Variants in FBXO4 observed in about 807,000 individuals in gnomAD.
The protein encoded by FBXO4 is F-box protein 4, also known as F-box only protein 4.
Under a neutral mutation model 43.7 loss-of-function variants are expected in FBXO4, and 36 were observed. The observed-to-expected ratio is 0.82, with a 90% CI of 0.63 to 1.09. The LOEUF is 1.09. Among genes scored for constraint, FBXO4 ranks in the 50% least tolerant of loss-of-function variants. The probability of loss-of-function intolerance (pLI) is 0.00; values close to 1 mark genes in which losing one functional copy is unlikely to be tolerated. For synonymous variants in FBXO4, 180 were observed against 165.6 expected, an observed-to-expected ratio of 1.09 and a Z score of -0.67; for missense variants, 435 against 474.1, an observed-to-expected ratio of 0.92 and a Z score of 0.77.
chr5:41,998,027 G>T, the FBXO4 span, among the ~76,000 whole-genome samples: 1 of 152,094 alleles, frequency 6.6e-6, no homozygotes, highest in Non-Finnish European at 1.5e-5. Context: ...ACTTAGGTAG[G>T]GATGCAGCAG....
Position 41,934,230 on chromosome 5 carries a change from A to C in FBXO4, c.820A>C (p.Ser274Arg), listed in dbSNP as rs771388488. ...EGDDQQGSRY[S>R]VIPQIQKVCE... ...TGATGATCAACAAGGAAGCCGGTAC[A>C]GTGTGATTCCACAGATTCAAAAAGT... Residue 274 changes from serine (S) to arginine (R), a missense_variant, in exon 5 of 7, where the codon AGT becomes CGT. Coordinates refer to ENST00000281623, the MANE Select transcript of FBXO4 (RefSeq NM_012176.3). 1.2e-6 allele frequency: 2 copies of C among 1,614,198 alleles called. No individual in the cohort carries two copies. Among genetic ancestry groups the C allele is most frequent in the Non-Finnish European group, 8.5e-7 (1 of 1,180,026 alleles).
chr5:41,993,142 A>G, the FBXO4 span, among the ~76,000 whole-genome samples: 2 of 152,232 alleles, frequency 1.3e-5, no homozygotes, highest in African/African-American at 4.8e-5. Flanking sequence ...TTTAACAAAT[A>G]TTTGTTGAGC....
At chr5:41,995,870 T>C in the FBXO4 span, among the ~76,000 whole-genome samples, 3 of 152,226 alleles carry the variant, frequency 2.0e-5, no homozygotes, top group African/African-American at 7.2e-5. Context: ...TCTCTTTCTA[T>C]GCAAAGTGCA....
chr5:42,012,387 A>G, the FBXO4 span, among the ~76,000 whole-genome samples: 1 of 152,084 alleles, frequency 6.6e-6, no homozygotes, highest in Non-Finnish European at 1.5e-5. Flanking sequence ...AAGATCTGTA[A>G]CATTGGGTGA....
the FBXO4 span, among the ~76,000 whole-genome samples, chr5:42,018,575 G>A: frequency 6.6e-6 from 1 of 152,062 alleles, no homozygotes; most frequent in African/African-American, 2.4e-5. Context: ...TTTTTATAAA[G>A]TGTAGAAAGT....
the FBXO4 span, among the ~76,000 whole-genome samples, chr5:41,988,785 T>G: frequency 6.6e-6 from 1 of 152,162 alleles, no homozygotes; most frequent in Non-Finnish European, 1.5e-5. Flanking sequence ...CTTTTACCTG[T>G]GTTCAGGACA....
intron 6 of FBXO4, among the ~76,000 whole-genome samples, chr5:41,940,666 G>A (rs1386088483): frequency 1.3e-5 from 2 of 152,184 alleles, no homozygotes; most frequent in African/African-American, 2.4e-5. Context: ...ACCTTTTGCG[G>A]AAAAAGTAAG....
chr5:41,969,509 A>G, the FBXO4 span, among the ~76,000 whole-genome samples: 1 of 152,146 alleles, frequency 6.6e-6, no homozygotes, highest in East Asian at 1.9e-4. Context: ...ATGTTTCTGG[A>G]GGTAATCCAT....
At chr5:41,954,880 G>A in the FBXO4 span, among the ~76,000 whole-genome samples, 281 of 152,296 alleles carry the variant, frequency 1.8e-3, 2 homozygotes, top group African/African-American at 6.5e-3. Flanking sequence ...GATAATGTGT[G>A]TGTCTGTTTC....
the FBXO4 span, chr5:41,952,117 A>G: frequency 5.5e-6 from 1 of 181,550 alleles, no homozygotes; most frequent in Non-Finnish European, 1.2e-5. Context: ...GTGCCACCTG[A>G]GTGGGTTCAA....
the FBXO4 span, among the ~76,000 whole-genome samples, chr5:41,968,698 C>T: frequency 6.6e-6 from 1 of 151,724 alleles, no homozygotes; most frequent in African/African-American, 2.4e-5. Flanking sequence ...GACTTGGTAC[C>T]TAAGTATTCG....
the FBXO4 span, among the ~76,000 whole-genome samples, chr5:41,972,982 T>A: frequency 6.6e-6 from 1 of 152,108 alleles, no homozygotes; most frequent in Non-Finnish European, 1.5e-5. Context: ...GAAGAAAACC[T>A]AGGAAATCTC....
intron 5 of FBXO4, among the ~76,000 whole-genome samples, chr5:41,937,381 G>A (rs1751877410): frequency 6.6e-6 from 1 of 152,214 alleles, no homozygotes; most frequent in African/African-American, 2.4e-5. Context: ...TTATAGTACT[G>A]CAAGGGGGAA....
the FBXO4 span, among the ~76,000 whole-genome samples, chr5:41,979,554 C>T: frequency 6.6e-6 from 1 of 152,114 alleles, no homozygotes; most frequent in South Asian, 2.1e-4. Flanking sequence ...GTGGTTTAAC[C>T]ACTCCCAACA....
the FBXO4 span, among the ~76,000 whole-genome samples, chr5:41,955,231 A>G: frequency 6.6e-6 from 1 of 152,170 alleles, no homozygotes; most frequent in Non-Finnish European, 1.5e-5. Flanking sequence ...TAAATTCAAT[A>G]TATCATATAG....
the FBXO4 span, among the ~76,000 whole-genome samples, chr5:41,965,286 G>A: frequency 3.3e-5 from 5 of 152,142 alleles, no homozygotes; most frequent in African/African-American, 1.2e-4. Context: ...TGTTACTGTA[G>A]CCTTGCAGTA....
At chr5:41,944,096 A>G (rs1752042482), downstream of FBXO4, among the ~76,000 whole-genome samples, 1 of 152,194 alleles carries the variant, frequency 6.6e-6, no homozygotes, top group African/African-American at 2.4e-5. Context: ...GTGTTTCATC[A>G]TGGCAGCCCT....
At chr5:42,011,457 T>C in the FBXO4 span, among the ~76,000 whole-genome samples, 1 of 152,220 alleles carries the variant, frequency 6.6e-6, no homozygotes, top group South Asian at 2.1e-4. Flanking sequence ...CCACCAGAAT[T>C]GGGAGCCAAA....
the FBXO4 span, among the ~76,000 whole-genome samples, chr5:41,997,220 A>G: frequency 6.6e-6 from 1 of 152,268 alleles, no homozygotes; most frequent in Non-Finnish European, 1.5e-5. Flanking sequence ...CAGGTACAGC[A>G]GCTGCAATTG....
Sources: allele counts gnomAD v4.1 joint callset (sites outside exome capture counted in the v4.1 genomes callset), GRCh38; gene constraint gnomAD v4.1.1; transcripts MANE v1.5; gene names NCBI Gene and HGNC (gene_info 2026-07-23, HGNC 2026-07-21).